CNTNAP5: variants seen among roughly 807,000 people sequenced by gnomAD.
CNTNAP5 encodes contactin associated protein family member 5.
Under a neutral mutation model 150.2 loss-of-function variants are expected in CNTNAP5, and 72 were observed. That is an observed-to-expected ratio of 0.48 (90% CI 0.40 to 0.58). The LOEUF (loss-of-function observed/expected upper bound fraction) is 0.58. Among genes scored for constraint, CNTNAP5 ranks in the 20% least tolerant of loss-of-function variants. CNTNAP5 has a pLI of 0.00. For synonymous variants in CNTNAP5, 672 were observed against 619.8 expected (o/e 1.08, Z -1.25); for missense variants, 1,636 against 1,626.2 (o/e 1.01, Z -0.10).
chr2:124,157,115 G>T (rs1013294347), intron 1 of CNTNAP5, among the ~76,000 whole-genome samples: 3 of 152,158 alleles, frequency 2.0e-5, no homozygotes, highest in Non-Finnish European at 4.4e-5. Context: ...GTAAAATGAA[G>T]AACGTGGTTA....
At chr2:124,348,843 A>G (rs1380634642) in intron 3 of CNTNAP5, among the ~76,000 whole-genome samples, 1 of 152,112 alleles carries the variant, frequency 6.6e-6, no homozygotes, top group Non-Finnish European at 1.5e-5. Flanking sequence ...ACATGAGTGC[A>G]TATGTGTGTG....
chr2:124,032,287 G>A (rs979516416), intron 1 of CNTNAP5, among the ~76,000 whole-genome samples: 3 of 152,024 alleles, frequency 2.0e-5, no homozygotes, highest in African/African-American at 7.2e-5. Context: ...AATGGGAGGG[G>A]GGCAGTTATT....
rs367646747 is a variant in CNTNAP5 at position 124,573,525 on chromosome 2, G to T, written c.1756+10202G>T. On this transcript the variant is annotated intron_variant, in intron 11 of 23. Transcript: ENST00000682447. ...CAACAAAAGATTCCAAAATGTAAGT[G>T]AAGATAATTAACTGAATATAATTTA... is the stretch of plus-strand genomic sequence containing the variant. Among the ~76,000 whole-genome samples the T allele has an allele frequency of 1.6e-4, 24 of 152,318 alleles. No homozygotes were observed. In the East Asian group the frequency reaches 4.2e-3, roughly 27 times the overall value.
At chr2:124,735,425 A>T (rs1196134959) in intron 13 of CNTNAP5, among the ~76,000 whole-genome samples, 1 of 126,684 alleles carries the variant, frequency 7.9e-6, no homozygotes, top group African/African-American at 2.6e-5. Context: ...TATTTCTACA[A>T]GACTTTTTTT....
intron 19 of CNTNAP5, among the ~76,000 whole-genome samples, chr2:124,825,688 G>C (rs943568844): frequency 2.0e-5 from 3 of 152,164 alleles, no homozygotes; most frequent in Non-Finnish European, 4.4e-5. Context: ...AGGGGCTGCT[G>C]ATCAAAAGTC....
intron 3 of CNTNAP5, among the ~76,000 whole-genome samples, chr2:124,364,920 C>T (rs1690328141): frequency 6.6e-6 from 1 of 152,092 alleles, no homozygotes; most frequent in African/African-American, 2.4e-5. Context: ...TTGCTTGGCA[C>T]ATAGCACATA....
At chr2:124,157,007 A>G (rs1684562662) in intron 1 of CNTNAP5, among the ~76,000 whole-genome samples, 1 of 152,244 alleles carries the variant, frequency 6.6e-6, no homozygotes, top group Non-Finnish European at 1.5e-5. Flanking sequence ...AGAGCCTGAT[A>G]CATAGTTTGT....
At chr2:124,845,938 C>A (rs1279088188) in intron 19 of CNTNAP5, among the ~76,000 whole-genome samples, 1 of 146,980 alleles carries the variant, frequency 6.8e-6, no homozygotes, top group Non-Finnish European at 1.5e-5. Flanking sequence ...AAAGAACCAG[C>A]TTTTTTTTTT....
At chr2:124,312,351 A>C (rs561467206) in intron 3 of CNTNAP5, among the ~76,000 whole-genome samples, 1 of 151,888 alleles carries the variant, frequency 6.6e-6, no homozygotes, top group Non-Finnish European at 1.5e-5. Context: ...TTTTATTTTT[A>C]TTTTTTATTT....
At chr2:124,721,074 G>A (rs996788880) in intron 13 of CNTNAP5, among the ~76,000 whole-genome samples, 3 of 152,128 alleles carry the variant, frequency 2.0e-5, no homozygotes, top group African/African-American at 7.2e-5. Context: ...GGAAGATAGT[G>A]TAAACCAACA....
chr2:124,706,915 GGA>G (rs1679670865), intron 13 of CNTNAP5, among the ~76,000 whole-genome samples: 4 of 114,058 alleles, frequency 3.5e-5, no homozygotes, highest in Admixed American at 8.6e-5. Context: ...AGGAGGAGGA[GGA>G]GAAGAAGAAG....
At chr2:124,114,338 C>A (rs1683375142) in intron 1 of CNTNAP5, among the ~76,000 whole-genome samples, 1 of 151,896 alleles carries the variant, frequency 6.6e-6, no homozygotes, top group African/African-American at 2.4e-5. Context: ...CAAGGCTGTG[C>A]TTCTCTAGTT....
chr2:124,049,951 A>G (rs1177080157), intron 1 of CNTNAP5, among the ~76,000 whole-genome samples: 1 of 152,132 alleles, frequency 6.6e-6, no homozygotes, highest in Non-Finnish European at 1.5e-5. Flanking sequence ...TTTCTTTCTT[A>G]AGAACACTAA....
chr2:124,769,217 G>T (rs1681136536), intron 16 of CNTNAP5, among the ~76,000 whole-genome samples: 2 of 152,218 alleles, frequency 1.3e-5, no homozygotes, highest in South Asian at 4.1e-4. Flanking sequence ...TCATGCAGGA[G>T]TCTTCTTAGC....
At chr2:124,484,443 G>A (rs907916397) in intron 7 of CNTNAP5, among the ~76,000 whole-genome samples, 9 of 152,234 alleles carry the variant, frequency 5.9e-5, no homozygotes, top group African/African-American at 1.9e-4. Flanking sequence ...GCCTTACCAC[G>A]TAATGGATAC....
chr2:124,661,601 A>C (rs2105045659), intron 13 of CNTNAP5, among the ~76,000 whole-genome samples: 1 of 152,214 alleles, frequency 6.6e-6, no homozygotes, highest in African/African-American at 2.4e-5. Flanking sequence ...GTACACTCTA[A>C]AATACTGATA....
At chr2:124,488,153 G>T (rs576178036) in intron 7 of CNTNAP5, among the ~76,000 whole-genome samples, 1 of 151,942 alleles carries the variant, frequency 6.6e-6, no homozygotes. Context: ...GAAGTCACCC[G>T]CAATTTTATC....
At chr2:124,860,489 TTCCTTCCTTCC>T (rs1677498709) in intron 19 of CNTNAP5, among the ~76,000 whole-genome samples, 5 of 109,232 alleles carry the variant, frequency 4.6e-5, no homozygotes, top group East Asian at 2.6e-4. Flanking sequence ...CCTTCCTTCC[TTCCTTCCTTCC>T]TTCTTTCCTT....
chr2:124,764,035 C>T lies in CNTNAP5; in HGVS notation c.2421C>T (p.Thr807=). 1 of 1,613,290 alleles carries T rather than the reference C, an allele frequency of 6.2e-7. No homozygotes were observed. Among genetic ancestry groups the T allele is most frequent in the East Asian group, 2.2e-5 (1 of 44,850 alleles). ...YTEASYLHFP[T]FHAEFSADIS... The stretch of plus-strand genomic sequence containing the variant: ...AAGCCTCTTACCTCCACTTTCCTAC[C>T]TTCCATGCGGAATTCAGTGCCGATA... Residue 807 remains threonine (T), a synonymous_variant, in exon 16 of 24, where the codon ACC becomes ACT. Transcript: ENST00000682447.
Sources: gnomAD v4.1 joint callset for allele counts (sites outside exome capture counted in the v4.1 genomes callset) on GRCh38, gnomAD v4.1.1 for gene constraint, MANE v1.5 for transcripts, NCBI Gene and HGNC (gene_info 2026-07-23, HGNC 2026-07-21) for gene names.